Variants in PIWIL2 observed in about 807,000 individuals in gnomAD.
PIWIL2 encodes piwi-like protein 2.
PIWIL2 carries 81 observed loss-of-function variants against 116.5 expected under a neutral mutation model. The observed-to-expected ratio is 0.70, with a 90% CI of 0.58 to 0.84. The LOEUF (loss-of-function observed/expected upper bound fraction) is 0.84. PIWIL2 is among the 40% of genes least tolerant of loss of function. The probability of loss-of-function intolerance (pLI) is 0.00; values close to 1 mark genes in which losing one functional copy is unlikely to be tolerated. For missense variants in PIWIL2, 1,272 were observed against 1,212.3 expected (o/e 1.05, Z -0.73); for synonymous variants, 489 against 429.5 (o/e 1.14, Z -1.71).
intron 10 of PIWIL2, among the ~76,000 whole-genome samples, chr8:22,292,483 AAG>A (rs1830788717): frequency 1.3e-5 from 2 of 152,234 alleles, no homozygotes; most frequent in Non-Finnish European, 2.9e-5. Flanking sequence ...GGATAAGAGA[AAG>A]AGAAGCTGAA....
At chr8:22,287,113 C>T (rs868524992) in intron 6 of PIWIL2, among the ~76,000 whole-genome samples, 1 of 151,770 alleles carries the variant, frequency 6.6e-6, no homozygotes, top group Admixed American at 6.6e-5. Context: ...GGGGAGAAGT[C>T]TTCCTCTTAA....
intron 18 of PIWIL2, among the ~76,000 whole-genome samples, chr8:22,315,683 A>T (rs1831441688): frequency 6.6e-6 from 1 of 152,222 alleles, no homozygotes; most frequent in Non-Finnish European, 1.5e-5. Context: ...CATGAAAATT[A>T]TATGAAGTGA....
chr8:22,321,866 A>G (rs1178555071), intron 20 of PIWIL2: 1 of 985,096 alleles, frequency 1.0e-6, no homozygotes, highest in African/African-American at 1.7e-5. Flanking sequence ...AACCACCGGA[A>G]GTTCCAACAC....
chr8:22,281,242 A>G, intron 3 of PIWIL2, 35 bp downstream of exon 3: 2 of 1,553,098 alleles, frequency 1.3e-6, no homozygotes, highest in East Asian at 2.2e-5. Flanking sequence ...ATTTGGTGGT[A>G]TGTATGATTG....
chr8:22,285,807 A>C (rs1038522330), intron 6 of PIWIL2, among the ~76,000 whole-genome samples: 1 of 151,810 alleles, frequency 6.6e-6, no homozygotes, highest in Non-Finnish European at 1.5e-5. Flanking sequence ...ATGCCTGGCT[A>C]ATTTTTGTAT....
Position 22,318,193 on chromosome 8 carries a change from G to T in PIWIL2, c.2321G>T (p.Arg774Leu), listed in dbSNP as rs771385870. The change falls in exon 20 of 23, where the codon CGG (arginine) becomes CTG (leucine). Residue 774 changes from arginine to leucine, a missense_variant. By Grantham distance (102) the Arg-to-Leu change is moderately radical. Coordinates refer to ENST00000356766, the MANE Select transcript of PIWIL2 (RefSeq NM_018068.5). ...AGCACCCTCACAAAATGGTATTCCCGGGTGGTGTTCCAGATGCCGCATCAG... is the reference window on the plus strand; with the variant it reads ...AGCACCCTCACAAAATGGTATTCCCTGGTGGTGTTCCAGATGCCGCATCAG... ...INLTLTKWYS[R>L]VVFQMPHQEI... 1.2e-6 allele frequency: 2 copies of T among 1,612,762 alleles called. No homozygotes were observed. The highest frequency in any genetic ancestry group is 1.7e-6 in the Non-Finnish European group (2 of 1,178,818).
intron 10 of PIWIL2, among the ~76,000 whole-genome samples, chr8:22,301,444 C>A (rs1011474172): frequency 6.6e-6 from 1 of 152,034 alleles, no homozygotes; most frequent in Admixed American, 6.6e-5. Flanking sequence ...CAGGCATGCG[C>A]CACCACACAC....
At chr8:22,289,785 A>C in intron 8 of PIWIL2, 62 bp from the exon 9 acceptor site, 1 of 1,012,534 alleles carries the variant, frequency 9.9e-7, no homozygotes, top group Non-Finnish European at 1.6e-6. Flanking sequence ...TGTAGCTAAG[A>C]ATAATGGAAC....
rs12543697 is a variant in PIWIL2, at chr8:22,305,818, C to G, written c.1456-109C>G. ...CTCCAGGATTTTATACTCCTTAGTG[C>G]GCAAGGTATATCACTGCAGGAGCAG... On this transcript the variant is annotated intron_variant, in intron 12 of 22. Transcript: ENST00000356766. The G allele has an allele frequency of 4.0e-6, 3 of 747,136 alleles. No homozygotes were observed. In the African/African-American group the frequency reaches 5.2e-5, roughly 13 times the overall value. The allele number at this position is 747,136 out of a possible 1,614,324, so 46.3% of individuals were successfully genotyped here.
intron 20 of PIWIL2, among the ~76,000 whole-genome samples, chr8:22,326,108 TC>T (rs1480348755): frequency 6.6e-6 from 1 of 152,108 alleles, no homozygotes; most frequent in Non-Finnish European, 1.5e-5. Flanking sequence ...CAGATGGACT[TC>T]CTCAAGCAAG....
intron 10 of PIWIL2, among the ~76,000 whole-genome samples, chr8:22,300,585 C>G (rs1201655956): frequency 6.6e-6 from 1 of 152,098 alleles, no homozygotes; most frequent in African/African-American, 2.4e-5. Context: ...AAAGTCTTTC[C>G]CAAAGTGTCT....
At chr8:22,353,763 A>AATTTTTTTT (rs1563438535) in intron 21 of PIWIL2, among the ~76,000 whole-genome samples, 1 of 61,556 alleles carries the variant, frequency 1.6e-5, no homozygotes, top group African/African-American at 5.0e-5. Context: ...AGTTTCTACC[A>AATTTTTTTT]CTTTTTTTTT....
At chr8:22,296,041 T>G (rs1229896092) in intron 10 of PIWIL2, among the ~76,000 whole-genome samples, 3 of 28,978 alleles carry the variant, frequency 1.0e-4, no homozygotes, top group African/African-American at 3.8e-4. Flanking sequence ...TTTTTTTTTT[T>G]TTTTTTTTTT....
chr8:22,332,329 T>G (rs1163399544), intron 20 of PIWIL2, among the ~76,000 whole-genome samples: 1 of 151,794 alleles, frequency 6.6e-6, no homozygotes. Flanking sequence ...AAAATAAAAA[T>G]AATCAAACTG....
At chr8:22,303,028 A>T (rs545456177) in intron 10 of PIWIL2, among the ~76,000 whole-genome samples, 1 of 152,346 alleles carries the variant, frequency 6.6e-6, no homozygotes, top group Admixed American at 6.5e-5. Flanking sequence ...CTCTATCTCA[A>T]AAGGTTGTAC....
chr8:22,290,235 T>G lies in PIWIL2; in HGVS notation c.1070T>G (p.Leu357Trp). The G allele has an allele frequency of 1.3e-6, 2 of 1,584,236 alleles. No individual in the cohort carries two copies. Among genetic ancestry groups the G allele is most frequent in the Non-Finnish European group, 8.7e-7 (1 of 1,153,722 alleles). ...GTTGAGACCACCTCTCTCTCCAGAT[T>G]GCAGATCTGGCCAGGCTATGCAGCT... ...TSAMVLQQHR[L>W]QIWPGYAASI... Residue 357 changes from leucine to tryptophan, a missense_variant and splice_region_variant, in exon 10 of 23, where the codon TTG becomes TGG. Coordinates refer to ENST00000356766, the MANE Select transcript of PIWIL2 (RefSeq NM_018068.5).
intron 10 of PIWIL2, among the ~76,000 whole-genome samples, chr8:22,295,871 A>T (rs1830887284): frequency 6.6e-6 from 1 of 152,166 alleles, no homozygotes; most frequent in Admixed American, 6.5e-5. Flanking sequence ...TTCTTACGTC[A>T]CTTGTAAGTT....
chr8:22,305,801 T>G, intron 12 of PIWIL2, 126 bp from the exon 13 acceptor site: 1 of 688,596 alleles, frequency 1.5e-6, no homozygotes. Flanking sequence ...TCCTCCAGGA[T>G]TTTATACTCC....
At position 22,352,946 on chromosome 8, in the gene PIWIL2, G is replaced by A. The variant is rs191853857; in HGVS notation, c.2404-13G>A. On this transcript the variant is annotated splice_polypyrimidine_tract_variant and intron_variant, in intron 20 of 22. Transcript: ENST00000356766. The stretch of plus-strand genomic sequence containing the variant: ...GGGCTCTGTGAGTCACCACATCCTC[G>A]CTGTCATTTCAGGTGAACCACTGTC... 14 of 1,603,658 alleles carry A rather than the reference G, an allele frequency of 8.7e-6. No individual in the cohort carries two copies. In the East Asian group the frequency reaches 2.2e-4, roughly 26 times the overall value.
Sources: gnomAD v4.1 joint callset for allele counts (sites outside exome capture counted in the v4.1 genomes callset) on GRCh38, gnomAD v4.1.1 for gene constraint, MANE v1.5 for transcripts, NCBI Gene and HGNC (gene_info 2026-07-23, HGNC 2026-07-21) for gene names.